Variants in ATP9B observed in about 807,000 individuals in gnomAD.
The protein encoded by ATP9B is probable phospholipid-transporting ATPase IIB.
ATP9B carries 110 observed loss-of-function variants against 146.1 expected under a neutral mutation model. The ratio of observed to expected loss-of-function variants is 0.75; its 90% CI spans 0.65 to 0.88. The LOEUF is 0.88. ATP9B is among the 40% of genes least tolerant of loss of function. The pLI, the probability that ATP9B is intolerant of heterozygous loss-of-function variation, is 0.00. For missense variants in ATP9B, 1,499 were observed against 1,496.4 expected, an observed-to-expected ratio of 1.00 and a Z score of -0.03; for synonymous variants, 604 against 569.7, an observed-to-expected ratio of 1.06 and a Z score of -0.86.
chr18:79,340,744 G>T (rs557031214), intron 19 of ATP9B, among the ~76,000 whole-genome samples: 1 of 152,282 alleles, frequency 6.6e-6, no homozygotes, highest in African/African-American at 2.4e-5. Context: ...ATGTGCATGG[G>T]TATGCAATTT....
chr18:79,223,436 T>C (rs1269676794), intron 11 of ATP9B, among the ~76,000 whole-genome samples: 2 of 152,214 alleles, frequency 1.3e-5, no homozygotes, highest in Admixed American at 6.5e-5. Flanking sequence ...TAAATACTTA[T>C]TTTAAAATGT....
At chr18:79,217,592 GAGA>G (rs2095639869) in intron 11 of ATP9B, among the ~76,000 whole-genome samples, 1 of 152,220 alleles carries the variant, frequency 6.6e-6, no homozygotes, top group African/African-American at 2.4e-5. Flanking sequence ...TAAAATTCAG[GAGA>G]AGGTTTTGAG....
chr18:79,237,047 GCCCCTTC>G (rs2095847864), intron 11 of ATP9B, among the ~76,000 whole-genome samples: 2 of 28,526 alleles, frequency 7.0e-5, no homozygotes, highest in Non-Finnish European at 6.2e-5. Context: ...GTCCACACCT[GCCCCTTC>G]CCCCTTCCCC....
At chr18:79,287,681 C>T (rs2096459261) in intron 13 of ATP9B, among the ~76,000 whole-genome samples, 1 of 151,922 alleles carries the variant, frequency 6.6e-6, no homozygotes, top group Admixed American at 6.6e-5. Flanking sequence ...TTTGCTCTTG[C>T]TTTTCTAGTT....
At chr18:79,365,570 C>G (rs1396892158) in intron 26 of ATP9B, among the ~76,000 whole-genome samples, 5 of 152,400 alleles carry the variant, frequency 3.3e-5, no homozygotes, top group African/African-American at 1.2e-4. Context: ...CACAGCAGCA[C>G]TGTCATAACT....
chr18:79,365,241 A>G (rs1469834031), intron 26 of ATP9B, among the ~76,000 whole-genome samples: 1 of 152,202 alleles, frequency 6.6e-6, no homozygotes, highest in African/African-American at 2.4e-5. Flanking sequence ...ACAGATGGCA[A>G]GGAAGCCTGT....
At chr18:79,332,885 T>G (rs1193894135) in intron 17 of ATP9B, 2 of 152,230 alleles carry the variant, frequency 1.3e-5, no homozygotes, top group Non-Finnish European at 2.9e-5. Context: ...GTTGGATGCA[T>G]AAAGAAGGGT....
chr18:79,200,788 T>TCAGAGCAGAGGCGGAGGTG (rs2095477165), intron 9 of ATP9B, among the ~76,000 whole-genome samples: 1 of 35,458 alleles, frequency 2.8e-5, no homozygotes, highest in Non-Finnish European at 6.5e-5. Context: ...GAAGTAGTGG[T>TCAGAGCAGAGGCGGAGGTG]GGAATTGTTT....
chr18:79,201,857 C>A (rs1030555293), intron 9 of ATP9B, among the ~76,000 whole-genome samples: 4 of 152,072 alleles, frequency 2.6e-5, no homozygotes, highest in African/African-American at 9.7e-5. Flanking sequence ...CTGTGCCCAG[C>A]CCCTGATTTC....
intron 9 of ATP9B, among the ~76,000 whole-genome samples, chr18:79,200,788 T>TGGGGACTGTCAGCGTCAGAGCAGA (rs370231088): frequency 2.8e-5 from 1 of 35,458 alleles, no homozygotes; most frequent in African/African-American, 1.2e-4. Context: ...GAAGTAGTGG[T>TGGGGACTGTCAGCGTCAGAGCAGA]GGAATTGTTT....
Position 79,155,753 on chromosome 18 carries a change from C to CTTT in ATP9B, c.778+1223_778+1225dup, listed in dbSNP as rs56002235. On this transcript the variant is annotated intron_variant, in intron 7 of 29. Transcript: ENST00000426216. ...GTCAAAGAAGAAACATGTTTTCTCT[C>CTTT]TTTTTTTTTTTTTTTTTTTTTTTTT... Among the ~76,000 whole-genome samples, 39 of 74,072 alleles carry CTTT rather than the reference C, an allele frequency of 5.3e-4. 1 individual carries two copies. The highest frequency in any genetic ancestry group is 7.0e-4 in the Non-Finnish European group (30 of 42,894). 48.6% of individuals were successfully genotyped at this position (74,072 alleles called of 152,430 possible).
chr18:79,219,066 T>C (rs981468985), intron 11 of ATP9B, among the ~76,000 whole-genome samples: 4 of 151,778 alleles, frequency 2.6e-5, no homozygotes, highest in Non-Finnish European at 1.5e-5. Flanking sequence ...TTTTAGGGAG[T>C]GGCCAGTAGT....
At chr18:79,213,103 C>G (rs1209446273) in intron 10 of ATP9B, among the ~76,000 whole-genome samples, 2 of 152,116 alleles carry the variant, frequency 1.3e-5, no homozygotes, top group East Asian at 3.8e-4. Context: ...AATGTGACAT[C>G]AGAGTTTTCA....
intron 11 of ATP9B, among the ~76,000 whole-genome samples, chr18:79,227,319 A>G (rs938497483): frequency 2.0e-5 from 3 of 147,840 alleles, no homozygotes; most frequent in East Asian, 2.1e-4. Flanking sequence ...GGGCTTGCTC[A>G]TGTGTATTGC....
intron 1 of ATP9B, among the ~76,000 whole-genome samples, chr18:79,082,653 G>A (rs530624647): frequency 2.6e-5 from 4 of 152,312 alleles, no homozygotes; most frequent in African/African-American, 9.6e-5. Context: ...ACTTCTAACA[G>A]TCAGGCACGT....
intron 11 of ATP9B, among the ~76,000 whole-genome samples, chr18:79,247,339 T>G (rs2095977776): frequency 2.0e-5 from 3 of 152,194 alleles, no homozygotes; most frequent in Non-Finnish European, 4.4e-5. Flanking sequence ...TCAGAGATGA[T>G]GCTACTTTCT....
chr18:79,335,566 G>A (rs1026603528), intron 17 of ATP9B, among the ~76,000 whole-genome samples: 4 of 152,178 alleles, frequency 2.6e-5, no homozygotes, highest in East Asian at 1.9e-4. Flanking sequence ...ATCAGGCCCC[G>A]TGACTCCTGC....
In ATP9B at chr18:79,246,910, G is replaced by A. The variant is rs2095973278; in HGVS notation, c.1108-6471G>A. Reference sequence around the variant, plus strand: ...ATGTGGTGATTGTAAAATAAGATTAGGAATGATGTACATTAGAAAATGGAT... The same window carrying A: ...ATGTGGTGATTGTAAAATAAGATTAAGAATGATGTACATTAGAAAATGGAT... On this transcript the variant is annotated intron_variant, in intron 11 of 29. Transcript: ENST00000426216. 2.0e-5 allele frequency among the ~76,000 whole-genome samples: 3 copies of A among 152,158 alleles called. No individual in the cohort carries two copies. In the South Asian group the frequency reaches 6.2e-4, roughly 32 times the overall value.
chr18:79,370,774 C>G (rs1240352109), intron 26 of ATP9B, among the ~76,000 whole-genome samples: 1 of 152,182 alleles, frequency 6.6e-6, no homozygotes, highest in Admixed American at 6.5e-5. Context: ...TAAAGAGAGG[C>G]AGCACAGACA....
Sources: allele counts gnomAD v4.1 joint callset (sites outside exome capture counted in the v4.1 genomes callset), GRCh38; gene constraint gnomAD v4.1.1; transcripts MANE v1.5; gene names NCBI Gene and HGNC (gene_info 2026-07-23, HGNC 2026-07-21).